Variants in GOLM2 observed in about 807,000 individuals in gnomAD.
GOLM2 encodes the protein golgi membrane protein 2.
In GOLM2, 26 loss-of-function variants were observed where a neutral mutation model predicts 55.9. The ratio of observed to expected loss-of-function variants is 0.47; its 90% CI spans 0.34 to 0.65. The LOEUF (loss-of-function observed/expected upper bound fraction) is 0.65, where lower values mean the gene tolerates loss of function less well. GOLM2 is among the 30% of genes least tolerant of loss of function. The probability of loss-of-function intolerance (pLI) is 0.01; values close to 1 mark genes in which losing one functional copy is unlikely to be tolerated. For synonymous variants in GOLM2, 165 were observed against 194.6 expected (o/e 0.85, Z 1.27); for missense variants, 486 against 531.8 (o/e 0.91, Z 0.85).
intron 6 of GOLM2, among the ~76,000 whole-genome samples, chr15:44,341,373 C>G (rs911493109): frequency 1.3e-5 from 2 of 151,984 alleles, no homozygotes; most frequent in African/African-American, 4.8e-5. Flanking sequence ...AGCCACCACG[C>G]CTGGCATATT....
intron 8 of GOLM2, among the ~76,000 whole-genome samples, chr15:44,390,894 T>C (rs2079483465): frequency 6.6e-6 from 1 of 152,004 alleles, no homozygotes; most frequent in Non-Finnish European, 1.5e-5. Context: ...CCTCATCCCA[T>C]TTATAAGAGT....
intron 1 of GOLM2, among the ~76,000 whole-genome samples, chr15:44,315,457 T>C (rs144860574): frequency 9.9e-5 from 15 of 152,212 alleles, no homozygotes; most frequent in African/African-American, 3.6e-4. Flanking sequence ...AAAATTAATT[T>C]AGAGAAGCCA....
At chr15:44,391,302 C>T (rs371554730) in intron 8 of GOLM2, among the ~76,000 whole-genome samples, 4 of 151,892 alleles carry the variant, frequency 2.6e-5, no homozygotes, top group Middle Eastern at 3.4e-3. Flanking sequence ...ATCACGAGGT[C>T]GGGAGATCGA....
At chr15:44,292,184 C>T (rs1186479897) in intron 1 of GOLM2, among the ~76,000 whole-genome samples, 34 of 144,628 alleles carry the variant, frequency 2.4e-4, no homozygotes, top group African/African-American at 8.8e-4. Context: ...TGTATACATA[C>T]ATATATATAT....
intron 6 of GOLM2, among the ~76,000 whole-genome samples, chr15:44,353,648 C>G (rs2079179045): frequency 6.6e-6 from 1 of 152,042 alleles, no homozygotes; most frequent in Non-Finnish European, 1.5e-5. Context: ...GAACTATGGT[C>G]ATTATGTTAG....
At chr15:44,399,303 T>C (rs374306146) in intron 8 of GOLM2, among the ~76,000 whole-genome samples, 19 of 152,322 alleles carry the variant, frequency 1.2e-4, no homozygotes, top group African/African-American at 4.1e-4. Flanking sequence ...CTGTGTAAGT[T>C]GGTTCTGTGT....
At chr15:44,397,257 A>G (rs1366677329) in intron 8 of GOLM2, among the ~76,000 whole-genome samples, 1 of 152,056 alleles carries the variant, frequency 6.6e-6, no homozygotes, top group Non-Finnish European at 1.5e-5. Context: ...AGGCAGGCCG[A>G]TCACGAGGTC....
chr15:44,407,572 G>C (rs2079605930), intron 9 of GOLM2, among the ~76,000 whole-genome samples: 1 of 151,498 alleles, frequency 6.6e-6, no homozygotes, highest in Non-Finnish European at 1.5e-5. Context: ...CGCTGCACCT[G>C]GCTCCTCACT....
intron 6 of GOLM2, among the ~76,000 whole-genome samples, chr15:44,362,064 A>G (rs1264528412): frequency 1.3e-5 from 2 of 152,044 alleles, no homozygotes; most frequent in Non-Finnish European, 2.9e-5. Context: ...AGAGCTATCT[A>G]TGACAAACCC....
chr15:44,354,494 C>G (rs984695170), intron 6 of GOLM2, among the ~76,000 whole-genome samples: 1 of 151,620 alleles, frequency 6.6e-6, no homozygotes, highest in African/African-American at 2.4e-5. Flanking sequence ...TAAAATGAGA[C>G]AGCAACCACA....
chr15:44,355,004 C>T (rs1302135256), intron 6 of GOLM2: 1 of 153,820 alleles, frequency 6.5e-6, no homozygotes, highest in Non-Finnish European at 1.4e-5. Flanking sequence ...TCTTCACTAT[C>T]TTGTATATGG....
chr15:44,324,669 A>C (rs552335022), intron 2 of GOLM2, among the ~76,000 whole-genome samples: 46 of 152,222 alleles, frequency 3.0e-4, no homozygotes, highest in African/African-American at 1.0e-3. Context: ...ACATTCTACT[A>C]TCAGATTTAT....
chr15:44,347,070 A>C (rs1007422625), intron 6 of GOLM2, among the ~76,000 whole-genome samples: 1 of 152,058 alleles, frequency 6.6e-6, no homozygotes, highest in African/African-American at 2.4e-5. Flanking sequence ...ATTGCAGTGA[A>C]CTGTGATTGC....
intron 4 of GOLM2, among the ~76,000 whole-genome samples, chr15:44,334,790 G>A (rs2079045070): frequency 6.6e-6 from 1 of 152,168 alleles, no homozygotes; most frequent in Non-Finnish European, 1.5e-5. Flanking sequence ...CCACCATTTT[G>A]GGAGGCCAAG....
chr15:44,371,292 T>C (rs1485333839), intron 6 of GOLM2, among the ~76,000 whole-genome samples: 1 of 152,184 alleles, frequency 6.6e-6, no homozygotes, highest in Non-Finnish European at 1.5e-5. Context: ...CCTCATGTAT[T>C]TTTCCTGCCT....
At chr15:44,366,204 G>A (rs2079283253) in intron 6 of GOLM2, among the ~76,000 whole-genome samples, 1 of 151,732 alleles carries the variant, frequency 6.6e-6, no homozygotes, top group Admixed American at 6.6e-5. Context: ...GACTGAGGCA[G>A]GAGAATGGCG....
rs2078766336 is a variant in GOLM2, at chr15:44,297,685, C to T, written c.327+8329C>T. Among the ~76,000 whole-genome samples the T allele has an allele frequency of 2.6e-5, 4 of 151,416 alleles. No homozygotes were observed. The South Asian group carries it at 8.4e-4, about 32-fold the overall frequency. On this transcript the variant is annotated intron_variant, in intron 1 of 9. Coordinates refer to ENST00000299957, the MANE Select transcript of GOLM2 (RefSeq NM_138423.4). Reference sequence around the variant, plus strand: ...CACACCATTCTCCTGCCTCAGCCTCCTGAGTAGCTAGGACTACAGGCACCC... The same window carrying T: ...CACACCATTCTCCTGCCTCAGCCTCTTGAGTAGCTAGGACTACAGGCACCC...
intron 8 of GOLM2, among the ~76,000 whole-genome samples, chr15:44,382,794 A>G (rs141402526): frequency 0.011 from 1,668 of 151,992 alleles, 40 homozygotes; most frequent in East Asian, 0.088. Context: ...ATGGTGGTAC[A>G]CAACTGTAGT....
At chr15:44,394,541 C>T (rs2079512111) in intron 8 of GOLM2, among the ~76,000 whole-genome samples, 1 of 152,188 alleles carries the variant, frequency 6.6e-6, no homozygotes, top group Admixed American at 6.5e-5. Context: ...CCTGTGCCTA[C>T]TATATGCAGG....
Sources: gnomAD v4.1 joint callset for allele counts (sites outside exome capture counted in the v4.1 genomes callset) on GRCh38, gnomAD v4.1.1 for gene constraint, MANE v1.5 for transcripts, NCBI Gene and HGNC (gene_info 2026-07-23, HGNC 2026-07-21) for gene names.